The following KCNMB2 variants were observed in gnomAD, a reference collection of about 807,000 sequenced individuals.
KCNMB2 encodes calcium-activated potassium channel subunit beta-2.
A neutral mutation model predicts 24.5 loss-of-function variants in KCNMB2; 9 were observed. The observed-to-expected ratio is 0.37, with a 90% CI of 0.22 to 0.64. The LOEUF is 0.64. KCNMB2 is among the 30% of genes least tolerant of loss of function. The pLI, the probability that KCNMB2 is intolerant of heterozygous loss-of-function variation, is 0.63. For synonymous variants in KCNMB2, 109 were observed against 104.4 expected, an observed-to-expected ratio of 1.04 and a Z score of -0.27; for missense variants, 226 against 284.3, an observed-to-expected ratio of 0.79 and a Z score of 1.47.
At chr3:178,555,907 G>A (rs1716109878) in intron 1 of KCNMB2, among the ~76,000 whole-genome samples, 1 of 152,224 alleles carries the variant, frequency 6.6e-6, no homozygotes, top group African/African-American at 2.4e-5. Flanking sequence ...AGTTGGGGAT[G>A]CCATCATGGA....
At position 178,843,030 on chromosome 3, in the gene KCNMB2, T is replaced by G; in HGVS notation, c.*93T>G. 1.0e-6 allele frequency: 1 copy of G among 999,514 alleles called. No individual in the cohort carries two copies. Among genetic ancestry groups the G allele is most frequent in the Non-Finnish European group, 1.5e-6 (1 of 675,548 alleles). 61.9% of individuals were successfully genotyped at this position (999,514 alleles called of 1,614,324 possible). ...AACCTTAAGTTTGTAACGTGCAGTC[T>G]GTTATGAGTTCCCTAATATATTCTT... On this transcript the variant is annotated 3_prime_UTR_variant, in exon 5 of 5. Transcript: ENST00000452583.
chr3:178,545,541 A>G, intron 1 of KCNMB2, among the ~76,000 whole-genome samples: 1 of 152,234 alleles, frequency 6.6e-6, no homozygotes, highest in East Asian at 1.9e-4. Flanking sequence ...AGATGCAGAG[A>G]ATCATTCCGG....
At chr3:178,842,378 T>G (rs1450527621) in intron 4 of KCNMB2, among the ~76,000 whole-genome samples, 4 of 152,198 alleles carry the variant, frequency 2.6e-5, no homozygotes, top group Non-Finnish European at 5.9e-5. Flanking sequence ...CATGGAATGA[T>G]TAAATCAAGC....
intron 1 of KCNMB2, among the ~76,000 whole-genome samples, chr3:178,770,412 G>A (rs1353351457): frequency 2.0e-5 from 3 of 152,246 alleles, no homozygotes; most frequent in African/African-American, 7.2e-5. Flanking sequence ...CCAAAATGCT[G>A]ATCAAGAGGG....
chr3:178,728,526 G>A (rs1723039095), intron 1 of KCNMB2, among the ~76,000 whole-genome samples: 1 of 152,116 alleles, frequency 6.6e-6, no homozygotes, highest in African/African-American at 2.4e-5. Context: ...CGTGAGCGCT[G>A]TCTGTCCAAG....
intron 1 of KCNMB2, among the ~76,000 whole-genome samples, chr3:178,750,965 G>A (rs2108388697): frequency 6.6e-6 from 1 of 152,246 alleles, no homozygotes; most frequent in South Asian, 2.1e-4. Flanking sequence ...TAAGGGAGGA[G>A]TAGATTAATC....
intron 1 of KCNMB2, among the ~76,000 whole-genome samples, chr3:178,641,904 A>G (rs1024131965): frequency 6.6e-6 from 1 of 152,092 alleles, no homozygotes; most frequent in Non-Finnish European, 1.5e-5. Flanking sequence ...TTTAACTTTT[A>G]TATTTCATCT....
intron 1 of KCNMB2, among the ~76,000 whole-genome samples, chr3:178,640,048 C>A (rs7612649): frequency 2.4e-5 from 3 of 122,666 alleles, no homozygotes; most frequent in Non-Finnish European, 5.2e-5. Context: ...TCAATGTTTT[C>A]CCTTGTCCTA....
intron 1 of KCNMB2, among the ~76,000 whole-genome samples, chr3:178,657,901 A>G (rs1720399430): frequency 6.6e-6 from 1 of 152,238 alleles, no homozygotes; most frequent in African/African-American, 2.4e-5. Flanking sequence ...AACTAACTCA[A>G]TCCCACACAA....
At chr3:178,726,814 G>A (rs2108363217) in intron 1 of KCNMB2, among the ~76,000 whole-genome samples, 1 of 152,128 alleles carries the variant, frequency 6.6e-6, no homozygotes, top group East Asian at 1.9e-4. Context: ...GAGACATTGA[G>A]CCAATGTAGC....
At chr3:178,757,516 G>A (rs867570437) in intron 1 of KCNMB2, among the ~76,000 whole-genome samples, 2 of 40,408 alleles carry the variant, frequency 4.9e-5, no homozygotes, top group African/African-American at 1.4e-4. Flanking sequence ...ATATATATAT[G>A]TATATATATC....
rs147866886 is a variant in KCNMB2 at position 178,817,218 on chromosome 3, T to TATATATATATATATATATAC, written c.57-8361_57-8360insTATATATATACATATATATA. Among the ~76,000 whole-genome samples the TATATATATATATATATATAC allele has an allele frequency of 2.9e-4, 39 of 134,962 alleles. 4 individuals carry two copies. The highest frequency in any genetic ancestry group is 1.1e-3 in the African/African-American group (34 of 30,082). 88.5% of individuals were successfully genotyped at this position (134,962 alleles called of 152,430 possible). A position where few individuals can be genotyped will look rare whatever the true frequency, so the allele number is the denominator to read the frequency against. ...GACAAAATCCTTCATGTTAATGACA[T>TATATATATATATATATATAC]ATATATATAAATGAAGTGTGACTGT... is the stretch of plus-strand genomic sequence containing the variant. On this transcript the variant is annotated intron_variant, in intron 2 of 4. Transcript: ENST00000452583.
intron 1 of KCNMB2, among the ~76,000 whole-genome samples, chr3:178,660,928 T>TTATA (rs1331610748): frequency 6.6e-6 from 1 of 152,052 alleles, no homozygotes; most frequent in African/African-American, 2.4e-5. Context: ...TCTAGCAGCA[T>TTATA]TATATTGCCC....
rs113918697 is a variant in KCNMB2 at position 178,660,340 on chromosome 3, C to G, written c.-68+123629C>G. ...TTTTATTATTACGAATATTCCCTAT[C>G]TGTGTGATAAGGCTTTTGTCTCAGA... is the stretch of plus-strand genomic sequence containing the variant. On this transcript the variant is annotated intron_variant, in intron 1 of 4. Coordinates refer to ENST00000452583, the MANE Select transcript of KCNMB2 (RefSeq NM_181361.3). Among the ~76,000 whole-genome samples the G allele has an allele frequency of 9.8e-3, 1,486 of 152,246 alleles. 32 individuals are homozygous for G. Among genetic ancestry groups the G allele is most frequent in the African/African-American group, 0.034 (1,433 of 41,554 alleles).
intron 1 of KCNMB2, among the ~76,000 whole-genome samples, chr3:178,647,632 A>G (rs1169879424): frequency 6.6e-6 from 1 of 152,218 alleles, no homozygotes; most frequent in Non-Finnish European, 1.5e-5. Context: ...TTATTTACCT[A>G]TAGCACATTA....
At chr3:178,624,666 T>C (rs2108530596) in intron 1 of KCNMB2, among the ~76,000 whole-genome samples, 1 of 151,800 alleles carries the variant, frequency 6.6e-6, no homozygotes, top group East Asian at 1.9e-4. Context: ...ATTTTCATGG[T>C]TCACACTTGC....
intron 1 of KCNMB2, among the ~76,000 whole-genome samples, chr3:178,579,813 T>G (rs1717131332): frequency 6.6e-6 from 1 of 152,134 alleles, no homozygotes; most frequent in South Asian, 2.1e-4. Context: ...CTCCCAAGGC[T>G]AAACCAGGAA....
intron 1 of KCNMB2, among the ~76,000 whole-genome samples, chr3:178,666,995 C>T (rs1287600550): frequency 6.6e-6 from 1 of 152,130 alleles, no homozygotes; most frequent in Non-Finnish European, 1.5e-5. Flanking sequence ...CACTAGATTA[C>T]TTATAATACT....
chr3:178,639,874 T>A (rs903179843), intron 1 of KCNMB2, among the ~76,000 whole-genome samples: 1 of 152,250 alleles, frequency 6.6e-6, no homozygotes, highest in Non-Finnish European at 1.5e-5. Context: ...TTAGTTTGCA[T>A]GTCTTGCATA....
Sources: allele counts gnomAD v4.1 joint callset (sites outside exome capture counted in the v4.1 genomes callset), GRCh38; gene constraint gnomAD v4.1.1; transcripts MANE v1.5; gene names NCBI Gene and HGNC (gene_info 2026-07-23, HGNC 2026-07-21).